LAMB4: variants seen among roughly 807,000 people sequenced by gnomAD.
The protein encoded by LAMB4 is laminin subunit beta-4.
In LAMB4, 196 loss-of-function variants were observed where a neutral mutation model predicts 199.2. The ratio of observed to expected loss-of-function variants is 0.98; its 90% confidence interval spans 0.88 to 1.11. LAMB4 has a LOEUF of 1.11. Ranked by LOEUF, LAMB4 falls within the 50% of genes least tolerant of loss-of-function variation. The pLI, the probability that LAMB4 is intolerant of heterozygous loss-of-function variation, is 0.00. For missense variants in LAMB4, 2,080 were observed against 2,171.2 expected, an observed-to-expected ratio of 0.96 and a Z score of 0.83; for synonymous variants, 744 against 770.6, an observed-to-expected ratio of 0.97 and a Z score of 0.57.
chr7:108,124,379 C>G (rs2038704490), intron 1 of LAMB4, among the ~76,000 whole-genome samples: 1 of 151,948 alleles, frequency 6.6e-6, no homozygotes, highest in African/African-American at 2.4e-5. Context: ...GCCTTATTCA[C>G]TATGATATAG....
In LAMB4 at chr7:108,111,634, G is replaced by C. The variant is rs190495375; in HGVS notation, c.328+177C>G. On this transcript the variant is annotated intron_variant, in intron 4 of 33. Transcript: ENST00000388781. ...CATTTTGATTTTCCTGTAAAGGAAA[G>C]TATTCTTGTTAAAATGAAAATAAAT... Among the ~76,000 whole-genome samples, 21 of 152,182 alleles carry C rather than the reference G, an allele frequency of 1.4e-4. 1 individual carries two copies. The highest frequency in any genetic ancestry group is 6.2e-4 in the South Asian group (3 of 4,834).
intron 20 of LAMB4, 107 bp downstream of exon 20, chr7:108,066,247 ACCTATAACAGTCCTC>A: frequency 1.3e-6 from 1 of 744,192 alleles, no homozygotes; most frequent in South Asian, 1.8e-5. Flanking sequence ...GCTCTCCCCG[ACCTATAACAGTCCTC>A]CCTCCCACAC....
chr7:108,116,943 G>T (rs1255939391), intron 2 of LAMB4, among the ~76,000 whole-genome samples: 1 of 152,132 alleles, frequency 6.6e-6, no homozygotes, highest in Non-Finnish European at 1.5e-5. Context: ...AAGCTGAGGC[G>T]GGAGGATTGC....
At chr7:108,115,849 C>T (rs1039234485) in intron 3 of LAMB4, among the ~76,000 whole-genome samples, 155 bp downstream of exon 3, 4 of 152,158 alleles carry the variant, frequency 2.6e-5, no homozygotes, top group East Asian at 1.9e-4. Context: ...CCGGCACCAA[C>T]GCCCCGTGGA....
chr7:108,094,726 A>G (rs1212650091), intron 12 of LAMB4, among the ~76,000 whole-genome samples: 2 of 152,210 alleles, frequency 1.3e-5, no homozygotes, highest in African/African-American at 4.8e-5. Flanking sequence ...TACATCTAAA[A>G]TTGTATGTTT....
intron 4 of LAMB4, among the ~76,000 whole-genome samples, chr7:108,109,569 C>T (rs2038145233): frequency 6.6e-6 from 1 of 152,194 alleles, no homozygotes; most frequent in African/African-American, 2.4e-5. Context: ...GGTTCATTTC[C>T]TTGTACTGAA....
intron 7 of LAMB4, among the ~76,000 whole-genome samples, 184 bp from the exon 8 acceptor site, chr7:108,106,215 C>G (rs1007966103): frequency 6.6e-6 from 1 of 151,978 alleles, no homozygotes; most frequent in Admixed American, 6.6e-5. Flanking sequence ...CTCAAGAGTT[C>G]AAGACCAGAC....
the LAMB4 span, among the ~76,000 whole-genome samples, chr7:108,017,597 GA>G: frequency 6.6e-6 from 1 of 152,184 alleles, no homozygotes; most frequent in Non-Finnish European, 1.5e-5. Context: ...CATAAAACTT[GA>G]TGTCTGGTTA....
Position 108,030,926 on chromosome 7 carries a change from T to C in LAMB4, c.4872A>G (p.Arg1624=). 1 of 1,614,122 alleles carries C rather than the reference T, an allele frequency of 6.2e-7. No individual in the cohort carries two copies. Among genetic ancestry groups the C allele is most frequent in the Middle Eastern group, 1.6e-4 (1 of 6,062 alleles). ...GGGAAAGTCCATCCTCCAGCCCTGATCGCTGCTTTGCTAACTCCAGCTCAC... is the reference window on the plus strand; with the variant it reads ...GGGAAAGTCCATCCTCCAGCCCTGACCGCTGCTTTGCTAACTCCAGCTCAC... ...MKSELELAKQ[R]SGLEDGLSLL... Residue 1624 remains arginine, a synonymous_variant, in exon 32 of 34, where the codon CGA becomes CGG. Coordinates refer to ENST00000388781, the MANE Select transcript of LAMB4 (RefSeq NM_007356.3).
chr7:108,051,799 A>C (rs561835513), intron 26 of LAMB4, among the ~76,000 whole-genome samples: 128 of 152,142 alleles, frequency 8.4e-4, no homozygotes, highest in Middle Eastern at 3.4e-3. Context: ...AGAATTTCTA[A>C]GTTGTTGATT....
intron 18 of LAMB4, among the ~76,000 whole-genome samples, chr7:108,069,434 G>T (rs1355444014): frequency 5.3e-5 from 8 of 152,190 alleles, no homozygotes; most frequent in Non-Finnish European, 1.0e-4. Flanking sequence ...GATGTCTGGA[G>T]TTCCTTCCAG....
chr7:108,047,389 A>G lies in LAMB4; in HGVS notation c.4326+519T>C, dbSNP rs149545427. 7.2e-4 allele frequency among the ~76,000 whole-genome samples: 109 copies of G among 152,212 alleles called. 2 individuals are homozygous for G. In the East Asian group the frequency reaches 0.019, roughly 26 times the overall value. ...CCTCCTCCTCAGCCTACTCAATGTG[A>G]TGACGATGAAGACCTTAATGATGAT... is the stretch of plus-strand genomic sequence containing the variant. On this transcript the variant is annotated intron_variant, in intron 28 of 33. Transcript: ENST00000388781.
chr7:108,087,291 GTTTCTGT>G (rs1563079848), intron 14 of LAMB4, among the ~76,000 whole-genome samples: 1 of 152,116 alleles, frequency 6.6e-6, no homozygotes, highest in Non-Finnish European at 1.5e-5. Flanking sequence ...ATGTTTAAGT[GTTTCTGT>G]TTTCTTTCAT....
intron 2 of LAMB4, among the ~76,000 whole-genome samples, chr7:108,120,603 CA>C (rs2150692931): frequency 6.6e-6 from 1 of 152,336 alleles, no homozygotes; most frequent in Admixed American, 6.5e-5. Flanking sequence ...ATTTAACCAG[CA>C]ACCCACATTC....
At chr7:108,070,113 C>T (rs549993065) in intron 17 of LAMB4, among the ~76,000 whole-genome samples, 2 of 152,042 alleles carry the variant, frequency 1.3e-5, no homozygotes, top group East Asian at 3.9e-4. Context: ...CTTTATCTTT[C>T]TACTATCATA....
At position 108,030,989 on chromosome 7, in the gene LAMB4, A is replaced by T; in HGVS notation, c.4819-10T>A. The T allele has an allele frequency of 6.2e-7, 1 of 1,610,908 alleles. No individual in the cohort carries two copies. The highest frequency in any genetic ancestry group is 2.2e-5 in the East Asian group (1 of 44,770). On this transcript the variant is annotated splice_polypyrimidine_tract_variant and intron_variant, in intron 31 of 33. Transcript: ENST00000388781. ...TGGTTTGATTTTCAGCCTGTTGTTG[A>T]TTTAAAGACCAAAAAGGGAAAATCT... is the stretch of plus-strand genomic sequence containing the variant.
chr7:108,124,162 T>C (rs529271621), intron 1 of LAMB4, among the ~76,000 whole-genome samples: 2 of 152,316 alleles, frequency 1.3e-5, no homozygotes, highest in East Asian at 1.9e-4. Context: ...ACTATAGGCA[T>C]GTGCCAGCAT....
chr7:108,069,964 TC>T, intron 17 of LAMB4, 79 bp from the exon 18 acceptor site: 1 of 1,169,488 alleles, frequency 8.6e-7, no homozygotes, highest in Non-Finnish European at 1.2e-6. Context: ...AAAAATTAGA[TC>T]TATGAAAATA....
chr7:108,050,312 T>C (rs111631207), intron 26 of LAMB4, among the ~76,000 whole-genome samples: 20 of 152,304 alleles, frequency 1.3e-4, no homozygotes, highest in African/African-American at 4.3e-4. Flanking sequence ...CAAAACAGTG[T>C]GAAATGCACA....
Sources: allele counts gnomAD v4.1 joint callset (sites outside exome capture counted in the v4.1 genomes callset), GRCh38; gene constraint gnomAD v4.1.1; transcripts MANE v1.5; gene names NCBI Gene and HGNC (gene_info 2026-07-23, HGNC 2026-07-21).